The following PPP1R9A variants were observed in gnomAD, a reference collection of about 807,000 sequenced individuals.
PPP1R9A encodes the protein neurabin-1.
A neutral mutation model predicts 141.9 loss-of-function variants in PPP1R9A; 59 were observed. The observed-to-expected ratio is 0.42, with a 90% CI of 0.34 to 0.52. The LOEUF (loss-of-function observed/expected upper bound fraction) is 0.52. Among genes scored for constraint, PPP1R9A ranks in the 20% least tolerant of loss-of-function variants. The pLI is 0.10. For synonymous variants in PPP1R9A, 500 were observed against 569.7 expected (o/e 0.88, Z 1.74); for missense variants, 1,444 against 1,611.9 (o/e 0.90, Z 1.78).
At chr7:95,061,625 A>C (rs1812242764) in intron 2 of PPP1R9A, among the ~76,000 whole-genome samples, 1 of 152,038 alleles carries the variant, frequency 6.6e-6, no homozygotes, top group African/African-American at 2.4e-5. Context: ...GGTCTCAGCT[A>C]CTTGGGAGGT....
At chr7:95,035,268 T>C (rs1237049867) in intron 2 of PPP1R9A, among the ~76,000 whole-genome samples, 2 of 152,212 alleles carry the variant, frequency 1.3e-5, no homozygotes, top group African/African-American at 4.8e-5. Context: ...ATATTTTTCC[T>C]ATAGTAAAGA....
rs372965589 is a variant in PPP1R9A, at chr7:95,083,206, G to A, written c.1396-28053G>A. ...GACCCAGAGAAACAGGTAAATCTGT[G>A]TATTTTTATGGACAGTCATGCAGAA... On this transcript the variant is annotated intron_variant, in intron 2 of 19. Coordinates refer to ENST00000433360, the MANE Select transcript of PPP1R9A (RefSeq NM_001166160.2). 4.4e-4 allele frequency among the ~76,000 whole-genome samples: 67 copies of A among 152,094 alleles called. No homozygotes were observed. The South Asian group carries it at 0.012, about 27-fold the overall frequency.
chr7:95,183,164 G>C (rs986506538), intron 5 of PPP1R9A, among the ~76,000 whole-genome samples: 5 of 151,586 alleles, frequency 3.3e-5, no homozygotes, highest in African/African-American at 1.2e-4. Flanking sequence ...TTGAGACAGG[G>C]TCTCTCTCTG....
chr7:95,047,652 A>C (rs1810212019), intron 2 of PPP1R9A, among the ~76,000 whole-genome samples: 1 of 152,184 alleles, frequency 6.6e-6, no homozygotes, highest in Non-Finnish European at 1.5e-5. Context: ...TGATTTCACC[A>C]GATTATTTTA....
intron 2 of PPP1R9A, among the ~76,000 whole-genome samples, chr7:95,082,203 G>A (rs1156650145): frequency 1.3e-5 from 2 of 152,040 alleles, no homozygotes; most frequent in African/African-American, 2.4e-5. Context: ...CAGTTAAAAC[G>A]AAAAATAGGG....
Position 95,250,200 on chromosome 7 carries a change from G to A in PPP1R9A, c.2341G>A (p.Ala781Thr). The A allele has an allele frequency of 1.2e-6, 2 of 1,613,616 alleles. No individual in the cohort carries two copies. The highest frequency in any genetic ancestry group is 1.3e-5 in the African/African-American group (1 of 75,038). Residue 781 changes from alanine to threonine, a missense_variant, in exon 10 of 20, where the codon GCC (alanine) becomes ACC (threonine). Physicochemically the swap from Ala to Thr is moderately conservative, Grantham distance 58. This residue lies in a region of PPP1R9A where 488 missense variants were observed against 542.0 expected (regional missense o/e 0.90). Transcript: ENST00000433360. Reference sequence around the variant, plus strand: ...CAAAGAGACTCAAAGCCAGTATCAGGCCTTGGAAAAGAAATACAACAAGGC... The same window carrying A: ...CAAAGAGACTCAAAGCCAGTATCAGACCTTGGAAAAGAAATACAACAAGGC... ...HLKETQSQYQALEKKYNKAKK... is the reference protein window; with the variant it reads ...HLKETQSQYQTLEKKYNKAKK...
chr7:95,217,514 T>C (rs1793657724), intron 7 of PPP1R9A, among the ~76,000 whole-genome samples: 1 of 152,214 alleles, frequency 6.6e-6, no homozygotes, highest in African/African-American at 2.4e-5. Context: ...TCCCTCTTTT[T>C]CTATTGATTG....
At chr7:95,093,317 A>G (rs1159070459) in intron 2 of PPP1R9A, among the ~76,000 whole-genome samples, 1 of 152,168 alleles carries the variant, frequency 6.6e-6, no homozygotes, top group African/African-American at 2.4e-5. Context: ...CAAGGCTGCA[A>G]AGGGAGCCAA....
intron 2 of PPP1R9A, among the ~76,000 whole-genome samples, chr7:94,934,865 C>CAT (rs199573621): frequency 0.036 from 5,477 of 151,300 alleles, 270 homozygotes; most frequent in African/African-American, 0.099. Flanking sequence ...CACACACACA[C>CAT]ATATATTTTA....
At chr7:94,918,832 C>T (rs1792412269) in intron 2 of PPP1R9A, among the ~76,000 whole-genome samples, 1 of 152,122 alleles carries the variant, frequency 6.6e-6, no homozygotes, top group Non-Finnish European at 1.5e-5. Context: ...ACAGGAAAGT[C>T]TAGAGAGCAA....
At chr7:95,097,895 T>G (rs148776868) in intron 2 of PPP1R9A, among the ~76,000 whole-genome samples, 1 of 152,218 alleles carries the variant, frequency 6.6e-6, no homozygotes, top group African/African-American at 2.4e-5. Context: ...GGAATTGGTT[T>G]ATGCATATGT....
intron 2 of PPP1R9A, among the ~76,000 whole-genome samples, chr7:95,017,063 C>T (rs1407246574): frequency 1.3e-5 from 2 of 152,068 alleles, no homozygotes; most frequent in East Asian, 3.9e-4. Context: ...TATATTCCCT[C>T]AAGCCAAGGA....
intron 2 of PPP1R9A, among the ~76,000 whole-genome samples, chr7:95,053,815 G>A (rs1169549324): frequency 6.6e-6 from 1 of 152,162 alleles, no homozygotes; most frequent in East Asian, 1.9e-4. Context: ...TGGGCAGTAG[G>A]CAGTAGCTTG....
chr7:95,089,204 A>G (rs1817007774), intron 2 of PPP1R9A, among the ~76,000 whole-genome samples: 1 of 152,100 alleles, frequency 6.6e-6, no homozygotes, highest in Non-Finnish European at 1.5e-5. Flanking sequence ...TACTCCAGCT[A>G]CTTTACAATG....
At chr7:94,986,433 T>G (rs759011590) in intron 2 of PPP1R9A, among the ~76,000 whole-genome samples, 12 of 152,134 alleles carry the variant, frequency 7.9e-5, no homozygotes, top group Non-Finnish European at 1.6e-4. Context: ...ATATAGGAGC[T>G]AAAACATGAG....
chr7:95,039,537 G>A (rs1211104255), intron 2 of PPP1R9A, among the ~76,000 whole-genome samples: 2 of 150,024 alleles, frequency 1.3e-5, no homozygotes, highest in Non-Finnish European at 2.9e-5. Context: ...CAGCCTGGGC[G>A]ACAGAGGGAG....
chr7:94,998,145 A>G (rs764294343), intron 2 of PPP1R9A, among the ~76,000 whole-genome samples: 27 of 152,118 alleles, frequency 1.8e-4, no homozygotes, highest in Non-Finnish European at 1.5e-5. Flanking sequence ...TTTCTTGTTT[A>G]GTGAGTAGCT....
intron 8 of PPP1R9A, among the ~76,000 whole-genome samples, chr7:95,227,645 G>A (rs1332942152): frequency 6.6e-6 from 1 of 152,088 alleles, no homozygotes; most frequent in Non-Finnish European, 1.5e-5. Context: ...GAGACTGTAT[G>A]GCCTGCAAAT....
chr7:95,267,753 G>C lies in PPP1R9A; in HGVS notation c.2666-797G>C, dbSNP rs374429766. On this transcript the variant is annotated intron_variant, in intron 12 of 19. Transcript: ENST00000433360. Reference sequence around the variant, plus strand: ...TCGAAAATCAGTGTCGTTTCTGGTGGGGAGAGAAGGTATTCACAGAGATGA... The same window carrying C: ...TCGAAAATCAGTGTCGTTTCTGGTGCGGAGAGAAGGTATTCACAGAGATGA... 8.9e-4 allele frequency among the ~76,000 whole-genome samples: 136 copies of C among 152,138 alleles called. 3 individuals carry two copies. The South Asian group carries it at 0.028, about 31-fold the overall frequency.
Sources: allele counts gnomAD v4.1 joint callset (sites outside exome capture counted in the v4.1 genomes callset), GRCh38; gene constraint gnomAD v4.1.1; regional missense constraint gnomAD v4.1.1; transcripts MANE v1.5; gene names NCBI Gene and HGNC (gene_info 2026-07-23, HGNC 2026-07-21).